Variants in HSF2BP observed in about 807,000 individuals in gnomAD.
HSF2BP encodes the protein heat shock transcription factor 2 binding protein.
A neutral mutation model predicts 35.0 loss-of-function variants in HSF2BP; 35 were observed. That is an observed-to-expected ratio of 1.00 (90% CI 0.76 to 1.32). The LOEUF (loss-of-function observed/expected upper bound fraction) is 1.32, where lower values mean the gene tolerates loss of function less well. Ranked by LOEUF, HSF2BP falls within the 40% of genes most tolerant of loss-of-function variation. The probability of loss-of-function intolerance (pLI) is 0.00; values close to 1 mark genes in which losing one functional copy is unlikely to be tolerated. For missense variants in HSF2BP, 326 were observed against 321.7 expected, an observed-to-expected ratio of 1.01 and a Z score of -0.10; for synonymous variants, 114 against 117.4, an observed-to-expected ratio of 0.97 and a Z score of 0.18.
chr21:43,579,278 G>C (rs917487106), intron 8 of HSF2BP, among the ~76,000 whole-genome samples: 1 of 152,140 alleles, frequency 6.6e-6, no homozygotes, highest in East Asian at 1.9e-4. Context: ...AACATTCGAC[G>C]ACATCTTTTC....
chr21:43,629,877 T>C (rs1041134977), intron 6 of HSF2BP, among the ~76,000 whole-genome samples: 70 of 152,202 alleles, frequency 4.6e-4, no homozygotes, highest in Non-Finnish European at 1.2e-4. Context: ...GATGTTCTAC[T>C]GTGGAAAAAA....
At chr21:43,587,506 A>G (rs925978826) in intron 8 of HSF2BP, among the ~76,000 whole-genome samples, 1 of 152,066 alleles carries the variant, frequency 6.6e-6, no homozygotes, top group Non-Finnish European at 1.5e-5. Context: ...TCTCTATTAA[A>G]AATACAAAAT....
chr21:43,586,194 A>C (rs2081848823), intron 8 of HSF2BP, among the ~76,000 whole-genome samples: 1 of 152,202 alleles, frequency 6.6e-6, no homozygotes, highest in Non-Finnish European at 1.5e-5. Flanking sequence ...TATTTGCTCG[A>C]GTTCTATGCC....
intron 6 of HSF2BP, among the ~76,000 whole-genome samples, chr21:43,621,566 G>A: frequency 6.6e-6 from 1 of 151,730 alleles, no homozygotes. Flanking sequence ...ATATAGGCCA[G>A]GAAGGAGTGG....
At chr21:43,589,847 A>G (rs2081904168) in intron 8 of HSF2BP, among the ~76,000 whole-genome samples, 1 of 152,214 alleles carries the variant, frequency 6.6e-6, no homozygotes, top group African/African-American at 2.4e-5. Context: ...AAAAACAACA[A>G]CAACAACAAA....
intron 8 of HSF2BP, among the ~76,000 whole-genome samples, chr21:43,589,206 C>G (rs2081895557): frequency 6.6e-6 from 1 of 152,146 alleles, no homozygotes; most frequent in South Asian, 2.1e-4. Flanking sequence ...GTAAACAAAC[C>G]TACCCTTTTT....
intron 4 of HSF2BP, among the ~76,000 whole-genome samples, chr21:43,635,530 G>C (rs909101321): frequency 1.3e-5 from 2 of 152,118 alleles, no homozygotes; most frequent in Non-Finnish European, 2.9e-5. Context: ...TTTTAACAAA[G>C]GTGCCAATGC....
intron 6 of HSF2BP, among the ~76,000 whole-genome samples, chr21:43,623,686 A>G (rs1296958085): frequency 6.6e-6 from 1 of 152,150 alleles, no homozygotes; most frequent in Admixed American, 6.6e-5. Flanking sequence ...AAGGTTCCAG[A>G]GTGGTCTTCC....
At position 43,592,209 on chromosome 21, in the gene HSF2BP, T is replaced by C; in HGVS notation, c.796+16A>G. The C allele has an allele frequency of 1.3e-6, 2 of 1,562,408 alleles. No individual in the cohort carries two copies. The stretch of plus-strand genomic sequence containing the variant: ...TAACCCGTACAAGCAGCTGGACAGA[T>C]AACCACCCCCCTTACCACTCAAAAG... On this transcript the variant is annotated intron_variant, in intron 8 of 8. Coordinates refer to ENST00000291560, the MANE Select transcript of HSF2BP (RefSeq NM_007031.2).
chr21:43,573,880 C>T (rs965752300), intron 8 of HSF2BP, among the ~76,000 whole-genome samples: 2 of 152,168 alleles, frequency 1.3e-5, no homozygotes, highest in African/African-American at 4.8e-5. Context: ...CCCAACCTTT[C>T]GGGGCAACCT....
intron 8 of HSF2BP, 88 bp downstream of exon 8, chr21:43,592,137 T>G (rs1601632416): frequency 3.7e-6 from 3 of 810,286 alleles, no homozygotes; most frequent in South Asian, 1.5e-5. Context: ...AGACATCTAC[T>G]AGGAAACTTG....
intron 6 of HSF2BP, among the ~76,000 whole-genome samples, chr21:43,619,679 C>T (rs2082310054): frequency 6.6e-6 from 1 of 152,246 alleles, no homozygotes; most frequent in African/African-American, 2.4e-5. Flanking sequence ...GTCCCACCAT[C>T]TTAGGTTCCC....
At chr21:43,583,569 A>AG (rs1434958157) in intron 8 of HSF2BP, among the ~76,000 whole-genome samples, 6 of 120,882 alleles carry the variant, frequency 5.0e-5, no homozygotes, top group Non-Finnish European at 3.5e-5. Context: ...AGGGAGATGA[A>AG]GACCTGCTGA....
At chr21:43,639,334 T>C (rs1397648015) in intron 4 of HSF2BP, among the ~76,000 whole-genome samples, 1 of 152,170 alleles carries the variant, frequency 6.6e-6, no homozygotes, top group African/African-American at 2.4e-5. Flanking sequence ...CATTCGCTTT[T>C]TGAAAGAACC....
chr21:43,638,332 T>C (rs1002666228), intron 4 of HSF2BP, among the ~76,000 whole-genome samples: 1 of 151,858 alleles, frequency 6.6e-6, no homozygotes, highest in Admixed American at 6.6e-5. Context: ...GTGGCGCACA[T>C]CTGTAATCCC....
Position 43,597,021 on chromosome 21 carries a change from C to T in HSF2BP, c.693-4693G>A, listed in dbSNP as rs748692671. Among the ~76,000 whole-genome samples the T allele has an allele frequency of 1.3e-5, 2 of 152,008 alleles. No homozygotes were observed. The highest frequency in any genetic ancestry group is 2.9e-5 in the Non-Finnish European group (2 of 68,008). ...ATGACCAGCTTGAGAAGTAAAACCA[C>T]AGAGTCCAGGGTCACCAGGGTGGAA... On this transcript the variant is annotated intron_variant, in intron 7 of 8. Coordinates refer to ENST00000291560, the MANE Select transcript of HSF2BP (RefSeq NM_007031.2). The surrounding 1 kb of genome is among the most constrained non-coding windows in gnomAD (Gnocchi z 4.3).
At chr21:43,579,188 A>T (rs1173375992) in intron 8 of HSF2BP, among the ~76,000 whole-genome samples, 1 of 152,230 alleles carries the variant, frequency 6.6e-6, no homozygotes. Context: ...AATCATATGG[A>T]AGATTTCATT....
Position 43,656,586 on chromosome 21 carries a change from C to T in HSF2BP, c.187+1G>A. 6.2e-7 allele frequency: 1 copy of T among 1,606,192 alleles called. No homozygotes were observed. Among genetic ancestry groups the T allele is most frequent in the Non-Finnish European group, 8.5e-7 (1 of 1,177,942 alleles). ...AATGACTGCTGAAAATGAAGACTCA[C>T]TTTTTTCTACAATCTTTAATTTCTG... On this transcript the variant is annotated splice_donor_variant, in intron 3 of 8. Transcript: ENST00000291560. LOFTEE classifies it high-confidence loss of function.
At chr21:43,658,037 G>C (rs1247591967) in intron 2 of HSF2BP, 24 bp downstream of exon 2, 1 of 1,535,652 alleles carries the variant, frequency 6.5e-7, no homozygotes, top group South Asian at 1.2e-5. Flanking sequence ...ACACGCTGGC[G>C]TCGGCCAGGG....
Sources: gnomAD v4.1 joint callset for allele counts (sites outside exome capture counted in the v4.1 genomes callset) on GRCh38, gnomAD v4.1.1 for gene constraint, Gnocchi (gnomAD v3.1) non-coding constraint, MANE v1.5 for transcripts, NCBI Gene and HGNC (gene_info 2026-07-23, HGNC 2026-07-21) for gene names.